Variants in CWC27 observed in about 807,000 individuals in gnomAD.
CWC27 encodes the protein CWC27 spliceosome associated cyclophilin.
A neutral mutation model predicts 63.6 loss-of-function variants in CWC27; 47 were observed. That is an observed-to-expected ratio of 0.74 (90% CI 0.58 to 0.94). The LOEUF (loss-of-function observed/expected upper bound fraction) is 0.94, where lower values mean the gene tolerates loss of function less well. Among genes scored for constraint, CWC27 ranks in the 40% least tolerant of loss-of-function variants. The pLI, the probability that CWC27 is intolerant of heterozygous loss-of-function variation, is 0.00. For missense variants in CWC27, 495 were observed against 554.3 expected (o/e 0.89, Z 1.07); for synonymous variants, 175 against 179.8 (o/e 0.97, Z 0.22).
intron 11 of CWC27, among the ~76,000 whole-genome samples, chr5:64,890,176 A>T (rs1747194638): frequency 1.3e-5 from 2 of 152,134 alleles, no homozygotes; most frequent in African/African-American, 2.4e-5. Context: ...AAATTAGAGG[A>T]GAAGGGTCAG....
intron 13 of CWC27, among the ~76,000 whole-genome samples, chr5:64,987,225 A>C (rs183024906): frequency 1.1e-4 from 16 of 152,258 alleles, no homozygotes; most frequent in Admixed American, 2.6e-4. Flanking sequence ...TGTTTTTGAC[A>C]GTATCTGAAT....
chr5:64,900,186 T>G (rs57400257), intron 11 of CWC27, among the ~76,000 whole-genome samples: 60,083 of 152,100 alleles, frequency 0.4, 12,903 homozygotes, highest in African/African-American at 0.56. Context: ...ATCCTACAAG[T>G]AGTGCATAAA....
At chr5:64,902,048 G>A (rs182260389) in intron 11 of CWC27, among the ~76,000 whole-genome samples, 208 of 151,992 alleles carry the variant, frequency 1.4e-3, no homozygotes, top group African/African-American at 4.1e-3. Flanking sequence ...ACCTCCATAC[G>A]GACCTGTCTG....
At chr5:64,930,716 A>T (rs963448794) in intron 11 of CWC27, among the ~76,000 whole-genome samples, 1 of 152,290 alleles carries the variant, frequency 6.6e-6, no homozygotes, top group East Asian at 1.9e-4. Context: ...TATTAGTTGC[A>T]CACTGATCTG....
At chr5:64,997,453 A>G (rs1749653421) in intron 13 of CWC27, among the ~76,000 whole-genome samples, 1 of 152,166 alleles carries the variant, frequency 6.6e-6, no homozygotes, top group African/African-American at 2.4e-5. Flanking sequence ...AGTCATTATT[A>G]TTTTTAAGAA....
At chr5:64,809,774 T>C (rs935559380) in intron 10 of CWC27, among the ~76,000 whole-genome samples, 1 of 152,196 alleles carries the variant, frequency 6.6e-6, no homozygotes, top group African/African-American at 2.4e-5. Context: ...GTTGTTTGAG[T>C]TCCTTATATA....
intron 10 of CWC27, among the ~76,000 whole-genome samples, chr5:64,817,838 A>C (rs1338228383): frequency 3.9e-5 from 6 of 152,134 alleles, no homozygotes; most frequent in Non-Finnish European, 7.4e-5. Flanking sequence ...ATTTAAATGC[A>C]CCTATGTGAG....
intron 10 of CWC27, among the ~76,000 whole-genome samples, chr5:64,872,771 G>A (rs976454440): frequency 1.3e-5 from 2 of 152,040 alleles, no homozygotes; most frequent in African/African-American, 2.4e-5. Flanking sequence ...AATCCTGATC[G>A]ACATCATTCT....
intron 11 of CWC27, among the ~76,000 whole-genome samples, chr5:64,924,009 A>C (rs887144250): frequency 2.6e-5 from 4 of 151,622 alleles, no homozygotes; most frequent in Non-Finnish European, 5.9e-5. Context: ...CTTTTTACCC[A>C]CTTCTTCACT....
chr5:64,961,548 T>G (rs1748912555), intron 11 of CWC27, among the ~76,000 whole-genome samples: 1 of 152,232 alleles, frequency 6.6e-6, no homozygotes, highest in Non-Finnish European at 1.5e-5. Flanking sequence ...ATACTTACAT[T>G]GTAAGTGATA....
intron 11 of CWC27, among the ~76,000 whole-genome samples, chr5:64,923,875 A>G (rs903646719): frequency 3.3e-5 from 5 of 151,808 alleles, no homozygotes; most frequent in African/African-American, 7.3e-5. Flanking sequence ...CTGAATCCCT[A>G]CTACTATTAC....
At chr5:64,939,543 GT>G (rs1248205182) in intron 11 of CWC27, among the ~76,000 whole-genome samples, 4 of 152,186 alleles carry the variant, frequency 2.6e-5, no homozygotes, top group African/African-American at 7.2e-5. Flanking sequence ...CCTGTATGAG[GT>G]TTCTGATGAC....
intron 10 of CWC27, among the ~76,000 whole-genome samples, chr5:64,840,312 A>T (rs1265560269): frequency 7.0e-6 from 1 of 142,292 alleles, no homozygotes; most frequent in Non-Finnish European, 1.5e-5. Context: ...GAGTTGGCAG[A>T]AAAGAGGGTT....
chr5:64,873,023 AG>A (rs1222428028), intron 10 of CWC27, among the ~76,000 whole-genome samples: 1 of 152,184 alleles, frequency 6.6e-6, no homozygotes, highest in Non-Finnish European at 1.5e-5. Flanking sequence ...TAATGACTTC[AG>A]TTTTTCATGA....
chr5:65,001,495 C>T (rs1332438420), intron 13 of CWC27, among the ~76,000 whole-genome samples: 1 of 151,926 alleles, frequency 6.6e-6, no homozygotes. Flanking sequence ...ATGCTCCTTC[C>T]GTGCCTAATT....
At chr5:65,014,466 C>A (rs2032884) in intron 13 of CWC27, among the ~76,000 whole-genome samples, 1 of 151,154 alleles carries the variant, frequency 6.6e-6, no homozygotes, top group Non-Finnish European at 1.5e-5. Context: ...TTAATCAAAC[C>A]TAAATTTTTG....
chr5:64,823,070 T>G (rs1745252761), intron 10 of CWC27, among the ~76,000 whole-genome samples: 1 of 152,070 alleles, frequency 6.6e-6, no homozygotes, highest in Non-Finnish European at 1.5e-5. Context: ...AAATGAGATC[T>G]GAGTAAACCA....
intron 11 of CWC27, among the ~76,000 whole-genome samples, chr5:64,922,381 G>T (rs1748014885): frequency 6.6e-6 from 1 of 152,176 alleles, no homozygotes; most frequent in South Asian, 2.1e-4. Context: ...CAAAGGAGCA[G>T]TCTTCAACCT....
chr5:64,930,385 G>A (rs944360125), intron 11 of CWC27, among the ~76,000 whole-genome samples: 7 of 151,840 alleles, frequency 4.6e-5, no homozygotes, highest in African/African-American at 1.7e-4. Context: ...TTCATGTTAC[G>A]TGAATTTTAT....
Sources: gnomAD v4.1 joint callset for allele counts (sites outside exome capture counted in the v4.1 genomes callset) on GRCh38, gnomAD v4.1.1 for gene constraint, MANE v1.5 for transcripts, NCBI Gene and HGNC (gene_info 2026-07-23, HGNC 2026-07-21) for gene names.